Variants in ARL3 observed in about 807,000 individuals in gnomAD.
ARL3 encodes the protein ARF like GTPase 3, also known as ADP-ribosylation factor-like protein 3.
In ARL3, 9 loss-of-function variants were observed where a neutral mutation model predicts 26.0. The ratio of observed to expected loss-of-function variants is 0.35; its 90% confidence interval spans 0.21 to 0.60. ARL3 has a LOEUF of 0.60. Among genes scored for constraint, ARL3 ranks in the 20% least tolerant of loss-of-function variants. The pLI is 0.78. For missense variants in ARL3, 158 were observed against 215.7 expected, an observed-to-expected ratio of 0.73 and a Z score of 1.67; for synonymous variants, 71 against 78.4, an observed-to-expected ratio of 0.91 and a Z score of 0.50.
intron 3 of ARL3, among the ~76,000 whole-genome samples, chr10:102,695,309 CA>C (rs1330818355): frequency 6.6e-6 from 1 of 152,096 alleles, no homozygotes; most frequent in African/African-American, 2.4e-5. Flanking sequence ...ATGAGTTTTG[CA>C]GGTTTCTTCA....
rs116873559 is a variant in ARL3 at position 102,695,014 on chromosome 10, C to T, written c.264+4359G>A. Among the ~76,000 whole-genome samples, 10 of 152,320 alleles carry T rather than the reference C, an allele frequency of 6.6e-5. No individual in the cohort carries two copies. The East Asian group carries it at 7.7e-4, about 12-fold the overall frequency. On this transcript the variant is annotated intron_variant, in intron 3 of 5. Coordinates refer to ENST00000260746, the MANE Select transcript of ARL3 (RefSeq NM_004311.4). Reference sequence around the variant, plus strand: ...GAGTGCGGGCGTGAGCCACTGCGCCCGGCCTATGCTGTCTTGTTTACTTGC... The same window carrying T: ...GAGTGCGGGCGTGAGCCACTGCGCCTGGCCTATGCTGTCTTGTTTACTTGC...
chr10:102,683,693 G>A (rs1370402233), intron 5 of ARL3, among the ~76,000 whole-genome samples: 2 of 151,984 alleles, frequency 1.3e-5, no homozygotes, highest in African/African-American at 2.4e-5. Context: ...CCACCCTCTA[G>A]CTGCCTAGTA....
intron 3 of ARL3, among the ~76,000 whole-genome samples, chr10:102,693,172 T>C (rs769994783): frequency 6.6e-6 from 1 of 152,236 alleles, no homozygotes; most frequent in African/African-American, 2.4e-5. Context: ...CAGAATTTTG[T>C]GTGGAATATC....
intron 2 of ARL3, among the ~76,000 whole-genome samples, chr10:102,705,068 G>A (rs972483104): frequency 6.6e-6 from 1 of 152,090 alleles, no homozygotes; most frequent in Admixed American, 6.6e-5. Flanking sequence ...TTGCAAAACT[G>A]ACTCACTGTA....
At chr10:102,698,200 C>CT (rs917444147) in intron 3 of ARL3, among the ~76,000 whole-genome samples, 30 of 147,488 alleles carry the variant, frequency 2.0e-4, no homozygotes, top group East Asian at 4.0e-4. Flanking sequence ...AAGATGATTT[C>CT]TTTTTTTTTT....
chr10:102,698,234 C>T (rs879409439), intron 3 of ARL3, among the ~76,000 whole-genome samples: 1 of 151,540 alleles, frequency 6.6e-6, no homozygotes, highest in Non-Finnish European at 1.5e-5. Flanking sequence ...CAGAGTATCA[C>T]TCTGTCTTCC....
At chr10:102,696,515 C>A (rs1216691324) in intron 3 of ARL3, among the ~76,000 whole-genome samples, 1 of 152,178 alleles carries the variant, frequency 6.6e-6, no homozygotes, top group African/African-American at 2.4e-5. Flanking sequence ...CCACCCGCCT[C>A]AGCCTCCCAA....
intron 3 of ARL3, among the ~76,000 whole-genome samples, chr10:102,697,699 G>A (rs11191369): frequency 0.41 from 62,453 of 151,822 alleles, 13,228 homozygotes; most frequent in South Asian, 0.59. Context: ...CAAGGACTCC[G>A]GGGCTCTCTA....
At chr10:102,685,314 G>C (rs558957155) in intron 5 of ARL3, among the ~76,000 whole-genome samples, 1 of 150,102 alleles carries the variant, frequency 6.7e-6, no homozygotes, top group Admixed American at 6.6e-5. Flanking sequence ...TCAGTACAAA[G>C]CATGGGGCTT....
At chr10:102,687,941 A>ATG (rs1004027506) in intron 4 of ARL3, among the ~76,000 whole-genome samples, 3 of 151,414 alleles carry the variant, frequency 2.0e-5, no homozygotes, top group Non-Finnish European at 3.0e-5. Context: ...GTGTGTGTGT[A>ATG]TGTGTGTGTG....
At chr10:102,711,413 T>C (rs2064339740) in intron 1 of ARL3, among the ~76,000 whole-genome samples, 1 of 151,310 alleles carries the variant, frequency 6.6e-6, no homozygotes, top group Admixed American at 6.6e-5. Flanking sequence ...TGTGTTTTTA[T>C]ATATATATAT....
At chr10:102,684,958 G>A (rs552168936) in intron 5 of ARL3, among the ~76,000 whole-genome samples, 1 of 148,688 alleles carries the variant, frequency 6.7e-6, no homozygotes, top group East Asian at 2.2e-4. Flanking sequence ...GTTTTAAAAA[G>A]CAGCCAGGGC....
At position 102,704,011 on chromosome 10, in the gene ARL3, C is replaced by T. The variant is rs190728023; in HGVS notation, c.147+1335G>A. Among the ~76,000 whole-genome samples the T allele has an allele frequency of 4.8e-3, 728 of 151,664 alleles. 1 individual carries two copies. The highest frequency in any genetic ancestry group is 7.4e-3 in the Non-Finnish European group (504 of 67,926). On this transcript the variant is annotated intron_variant, in intron 2 of 5. Transcript: ENST00000260746. ...ACTAAAATACAACAAATTAGCCAGG[C>T]GTGGTGGCGTGCACCTGTAGTCCCA...
intron 1 of ARL3, among the ~76,000 whole-genome samples, chr10:102,707,208 G>C (rs1013545102): frequency 1.3e-5 from 2 of 151,976 alleles, no homozygotes; most frequent in Non-Finnish European, 2.9e-5. Flanking sequence ...TGAGGTGAGA[G>C]AATTGCTAGA....
At chr10:102,695,209 A>G (rs2064240546) in intron 3 of ARL3, among the ~76,000 whole-genome samples, 2 of 152,178 alleles carry the variant, frequency 1.3e-5, no homozygotes, top group African/African-American at 2.4e-5. Context: ...TAAATCTATA[A>G]ATCAAGTTGG....
chr10:102,700,779 T>TC (rs2064276254), intron 2 of ARL3, among the ~76,000 whole-genome samples: 1 of 145,042 alleles, frequency 6.9e-6, no homozygotes, highest in Non-Finnish European at 1.5e-5. Context: ...TCTTTTTTTT[T>TC]TTTTTTTTTT....
chr10:102,688,278 C>T (rs892080900), intron 4 of ARL3, among the ~76,000 whole-genome samples: 1 of 152,134 alleles, frequency 6.6e-6, no homozygotes, highest in Non-Finnish European at 1.5e-5. Context: ...AGGCAGATGA[C>T]TACATAGGAC....
Position 102,713,266 on chromosome 10 carries a change from C to A in ARL3, c.3+1007G>T, listed in dbSNP as rs776251635. 8.3e-4 allele frequency among the ~76,000 whole-genome samples: 127 copies of A among 152,114 alleles called. 2 individuals are homozygous for A. The highest frequency in any genetic ancestry group is 3.4e-4 in the Non-Finnish European group (23 of 68,048). The stretch of plus-strand genomic sequence containing the variant: ...TTGATAGCTCTAAAATTACTCAATT[C>A]CATTTTAACTCCCTCCAACTAACTG... On this transcript the variant is annotated intron_variant, in intron 1 of 5. Transcript: ENST00000260746.
At position 102,699,442 on chromosome 10, in the gene ARL3, T is replaced by A; in HGVS notation, c.195A>T (p.Val65=). ...SVQSQGFKLN[V]WDIGGQRKIR... ...TTTTCCTCTGTCCACCAATGTCCCA[T>A]ACATTCAGTTTAAAACCTTGTGATT... Residue 65 remains valine, a synonymous_variant, in exon 3 of 6, where the codon GTA becomes GTT. Transcript: ENST00000260746. The A allele has an allele frequency of 6.2e-7, 1 of 1,613,070 alleles. No homozygotes were observed. The highest frequency in any genetic ancestry group is 8.5e-7 in the Non-Finnish European group (1 of 1,179,398).
Sources: allele counts gnomAD v4.1 joint callset (sites outside exome capture counted in the v4.1 genomes callset), GRCh38; gene constraint gnomAD v4.1.1; transcripts MANE v1.5; gene names NCBI Gene and HGNC (gene_info 2026-07-23, HGNC 2026-07-21).